FOXP2: variants seen among roughly 807,000 people sequenced by gnomAD.
FOXP2 encodes forkhead box P2.
In FOXP2, 12 loss-of-function variants were observed where a neutral mutation model predicts 115.8. The ratio of observed to expected loss-of-function variants is 0.10; its 90% CI spans 0.07 to 0.17. The LOEUF is 0.17. Ranked by LOEUF, FOXP2 falls within the 10% of genes least tolerant of loss-of-function variation. The pLI is 1.00. For synonymous variants in FOXP2, 328 were observed against 297.7 expected, an observed-to-expected ratio of 1.10 and a Z score of -1.05; for missense variants, 629 against 843.5, an observed-to-expected ratio of 0.75 and a Z score of 3.15.
intron 1 of FOXP2, among the ~76,000 whole-genome samples, chr7:114,113,328 A>G (rs756477232): frequency 1.2e-4 from 19 of 152,184 alleles, no homozygotes; most frequent in Admixed American, 2.0e-4. Flanking sequence ...CTCAAATCCT[A>G]AACAAAAATC....
rs969246042 is a variant in FOXP2, at chr7:114,690,375, C to T, written c.*449C>T. 1.8e-5 allele frequency: 8 copies of T among 454,040 alleles called. No homozygotes were observed. The highest frequency in any genetic ancestry group is 1.6e-4 in the African/African-American group (8 of 50,084). The allele number at this position is 454,040 out of a possible 1,614,324, so 28.1% of individuals were successfully genotyped here. ...GTAGTTGTAATGTTAGAAACAATTG[C>T]TGGTCAAGTTCAACTTGTTGCTATT... On this transcript the variant is annotated 3_prime_UTR_variant, in exon 17 of 17. Transcript: ENST00000350908.
chr7:114,335,624 A>T (rs1208654118), intron 2 of FOXP2, among the ~76,000 whole-genome samples: 1 of 151,922 alleles, frequency 6.6e-6, no homozygotes, highest in African/African-American at 2.4e-5. Flanking sequence ...GTGTATAAAT[A>T]ATATTGAAAA....
intron 6 of FOXP2, among the ~76,000 whole-genome samples, chr7:114,637,579 T>C (rs938121715): frequency 6.6e-6 from 1 of 152,156 alleles, no homozygotes; most frequent in East Asian, 1.9e-4. Context: ...GGCACTCTTA[T>C]AGACACTGGG....
At chr7:114,372,733 T>C (rs914757145) in intron 2 of FOXP2, among the ~76,000 whole-genome samples, 29 of 152,248 alleles carry the variant, frequency 1.9e-4, no homozygotes, top group Admixed American at 6.5e-5. Flanking sequence ...TTTTTTTGTT[T>C]TGTTTTGTTT....
At chr7:114,588,569 G>A (rs1802271495) in intron 3 of FOXP2, among the ~76,000 whole-genome samples, 1 of 152,082 alleles carries the variant, frequency 6.6e-6, no homozygotes, top group Admixed American at 6.6e-5. Context: ...TGGTCGGAAG[G>A]GAATTGCTTT....
At chr7:114,661,053 T>A (rs1007841178) in intron 13 of FOXP2, among the ~76,000 whole-genome samples, 25 of 24,884 alleles carry the variant, frequency 1.0e-3, no homozygotes, top group Non-Finnish European at 1.7e-3. Context: ...CTGCTTATGC[T>A]TTTTTTTTTT....
intron 1 of FOXP2, among the ~76,000 whole-genome samples, chr7:114,246,362 A>C (rs1795284264): frequency 6.6e-6 from 1 of 152,132 alleles, no homozygotes; most frequent in African/African-American, 2.4e-5. Context: ...TTAATAATGT[A>C]CTTTTCTAAT....
intron 2 of FOXP2, among the ~76,000 whole-genome samples, chr7:114,501,703 A>G (rs968513001): frequency 2.0e-5 from 3 of 152,118 alleles, no homozygotes; most frequent in African/African-American, 7.2e-5. Flanking sequence ...AATAAAATAT[A>G]CTTTATCTTA....
intron 1 of FOXP2, among the ~76,000 whole-genome samples, chr7:114,191,352 A>G (rs902446771): frequency 6.6e-6 from 1 of 152,182 alleles, no homozygotes; most frequent in Non-Finnish European, 1.5e-5. Flanking sequence ...AAAAAATCCC[A>G]AGAGAGAGGA....
intron 2 of FOXP2, among the ~76,000 whole-genome samples, chr7:114,449,574 C>A (rs576016991): frequency 3.3e-4 from 50 of 152,090 alleles, no homozygotes; most frequent in African/African-American, 1.1e-3. Context: ...TGAACCTGAG[C>A]CACTGTTCAG....
intron 1 of FOXP2, among the ~76,000 whole-genome samples, chr7:114,249,026 A>C (rs1013427841): frequency 2.0e-5 from 3 of 152,188 alleles, no homozygotes; most frequent in Non-Finnish European, 4.4e-5. Flanking sequence ...TAGCAGATAT[A>C]GTAATGAACA....
chr7:114,262,937 A>C (rs933042009), intron 1 of FOXP2, among the ~76,000 whole-genome samples: 4 of 152,034 alleles, frequency 2.6e-5, no homozygotes, highest in Non-Finnish European at 5.9e-5. Flanking sequence ...GCCAAATTCC[A>C]TAATGCCCAT....
chr7:114,273,161 A>C (rs141531353), intron 1 of FOXP2, among the ~76,000 whole-genome samples: 1 of 152,082 alleles, frequency 6.6e-6, no homozygotes, highest in African/African-American at 2.4e-5. Context: ...TATGTTCAGA[A>C]TGTTATTAAA....
chr7:114,337,369 G>C (rs913808036), intron 2 of FOXP2, among the ~76,000 whole-genome samples: 1 of 151,124 alleles, frequency 6.6e-6, no homozygotes, highest in African/African-American at 2.4e-5. Flanking sequence ...CATGGGACAC[G>C]TTTTATTGTT....
At chr7:114,166,275 A>C (rs1233165269) in intron 1 of FOXP2, among the ~76,000 whole-genome samples, 1 of 152,188 alleles carries the variant, frequency 6.6e-6, no homozygotes, top group African/African-American at 2.4e-5. Context: ...TAAAATTAAA[A>C]ATTTCTATTT....
intron 2 of FOXP2, among the ~76,000 whole-genome samples, chr7:114,431,889 T>TATC (rs1197348174): frequency 6.6e-6 from 1 of 152,060 alleles, no homozygotes; most frequent in East Asian, 1.9e-4. Flanking sequence ...TACAGTTCAA[T>TATC]ATCAGTATAC....
intron 2 of FOXP2, among the ~76,000 whole-genome samples, chr7:114,345,924 G>A (rs1430470333): frequency 6.6e-6 from 1 of 151,680 alleles, no homozygotes; most frequent in Non-Finnish European, 1.5e-5. Context: ...GTTATTTTGT[G>A]TTATATTTGA....
intron 1 of FOXP2, among the ~76,000 whole-genome samples, chr7:114,275,682 TG>T (rs1226051298): frequency 6.6e-6 from 1 of 152,236 alleles, no homozygotes; most frequent in Non-Finnish European, 1.5e-5. Context: ...CCAATATACC[TG>T]CCATGTCTGA....
rs191059115 is a variant in FOXP2, at chr7:114,247,998, T to C, written c.-101-40021T>C. Reference sequence around the variant, plus strand: ...AGAGAGAAATGAGAGATTGATTTACTATAAAAAATTGTCTCACATAATATG... The same window carrying C: ...AGAGAGAAATGAGAGATTGATTTACCATAAAAAATTGTCTCACATAATATG... On this transcript the variant is annotated intron_variant, in intron 1 of 17. Transcript: ENST00000634411. Among the ~76,000 whole-genome samples, 4 of 152,138 alleles carry C rather than the reference T, an allele frequency of 2.6e-5. No homozygotes were observed. The East Asian group carries it at 7.7e-4, about 29-fold the overall frequency.
Sources: gnomAD v4.1 joint callset for allele counts (sites outside exome capture counted in the v4.1 genomes callset) on GRCh38, gnomAD v4.1.1 for gene constraint, MANE v1.5 for transcripts, NCBI Gene and HGNC (gene_info 2026-07-23, HGNC 2026-07-21) for gene names.